OXNAD1: variants seen among roughly 807,000 people sequenced by gnomAD.
OXNAD1 encodes the protein oxidoreductase NAD-binding domain-containing protein 1.
Under a neutral mutation model 32.9 loss-of-function variants are expected in OXNAD1, and 34 were observed. That is an observed-to-expected ratio of 1.03 (90% CI 0.79 to 1.38). The LOEUF (loss-of-function observed/expected upper bound fraction) is 1.38. Among genes scored for constraint, OXNAD1 ranks in the 40% most tolerant of loss-of-function variants. The probability of loss-of-function intolerance (pLI) is 0.00; values close to 1 mark genes in which losing one functional copy is unlikely to be tolerated. For synonymous variants in OXNAD1, 134 were observed against 135.2 expected (o/e 0.99, Z 0.06); for missense variants, 407 against 379.4 (o/e 1.07, Z -0.60).
chr3:16,325,854 C>T (rs2069635237), intron 9 of OXNAD1, among the ~76,000 whole-genome samples: 1 of 152,230 alleles, frequency 6.6e-6, no homozygotes, highest in South Asian at 2.1e-4. Context: ...CCATGCTGTC[C>T]ATCACTCTGC....
chr3:16,322,528 A>T lies in OXNAD1; in HGVS notation c.*31-14584A>T, dbSNP rs947852680. Among the ~76,000 whole-genome samples, 1 of 152,202 alleles carries T rather than the reference A, an allele frequency of 6.6e-6. No individual in the cohort carries two copies. Among genetic ancestry groups the T allele is most frequent in the Non-Finnish European group, 1.5e-5 (1 of 68,038 alleles). On this transcript the variant is annotated intron_variant, in intron 9 of 9. Coordinates refer to the OXNAD1 transcript ENST00000435829. The surrounding 1 kb of genome is among the most constrained non-coding windows in gnomAD (Gnocchi z 6.2). Reference sequence around the variant, plus strand: ...CAGCCATCAAAGGTGCAGTGAGCTGAATCCAGGTGATGCCTGACTCAGGCT... The same window carrying T: ...CAGCCATCAAAGGTGCAGTGAGCTGTATCCAGGTGATGCCTGACTCAGGCT...
chr3:16,276,181 G>C, intron 4 of OXNAD1: 1 of 206,918 alleles, frequency 4.8e-6, no homozygotes. Flanking sequence ...GGTTTTAGAA[G>C]CCAGTGGCTT....
chr3:16,323,260 T>G (rs1416258160), intron 9 of OXNAD1: 1 of 728,032 alleles, frequency 1.4e-6, no homozygotes, highest in Non-Finnish European at 2.3e-6. Context: ...AGGTGTTCCT[T>G]GGGCTCTGCG....
chr3:16,322,786 C>T lies in OXNAD1; in HGVS notation c.*31-14326C>T, dbSNP rs1400805540. 2.6e-5 allele frequency among the ~76,000 whole-genome samples: 4 copies of T among 152,036 alleles called. No homozygotes were observed. The highest frequency in any genetic ancestry group is 4.4e-5 in the Non-Finnish European group (3 of 67,994). Reference sequence around the variant, plus strand: ...ACTGTTTCTAGGGTAGTTCAGAGTCCGGAGAGGGGGAAAAGGGCCCTGGGG... The same window carrying T: ...ACTGTTTCTAGGGTAGTTCAGAGTCTGGAGAGGGGGAAAAGGGCCCTGGGG... On this transcript the variant is annotated intron_variant, in intron 9 of 9. Transcript: ENST00000435829. The surrounding 1 kb of genome is among the most constrained non-coding windows in gnomAD (Gnocchi z 6.2).
Position 16,320,501 on chromosome 3 carries a change from A to C in OXNAD1, c.*31-16611A>C, listed in dbSNP as rs1221283425. 6.6e-6 allele frequency among the ~76,000 whole-genome samples: 1 copy of C among 152,242 alleles called. No homozygotes were observed. The highest frequency in any genetic ancestry group is 1.9e-4 in the East Asian group (1 of 5,206). ...AAAATCTGGGTACACAACACAGGAA[A>C]AAGGTCTTTGCTCTTGTGGAGACTA... On this transcript the variant is annotated intron_variant, in intron 9 of 9. Coordinates refer to the OXNAD1 transcript ENST00000435829. This position sits in a 1 kb window ranked among gnomAD's most constrained non-coding sequence, Gnocchi z 4.5.
At chr3:16,269,437 A>G (rs1033342604) in intron 2 of OXNAD1, among the ~76,000 whole-genome samples, 162 bp downstream of exon 2, 2 of 152,262 alleles carry the variant, frequency 1.3e-5, no homozygotes, top group Non-Finnish European at 2.9e-5. Context: ...CTTATCCGCA[A>G]TGATGCTGCA....
intron 4 of OXNAD1, among the ~76,000 whole-genome samples, chr3:16,282,315 TA>T (rs1379558103): frequency 2.6e-5 from 4 of 151,902 alleles, no homozygotes; most frequent in African/African-American, 9.7e-5. Flanking sequence ...CCCATACTTT[TA>T]AACATGAATC....
chr3:16,318,564 C>A (rs569204061), intron 9 of OXNAD1, among the ~76,000 whole-genome samples: 2 of 152,138 alleles, frequency 1.3e-5, no homozygotes, highest in African/African-American at 4.8e-5. Context: ...TCTGTTTCCT[C>A]AGATAAAACA....
intron 5 of OXNAD1, among the ~76,000 whole-genome samples, chr3:16,291,098 C>G (rs2066400764): frequency 6.6e-6 from 1 of 152,050 alleles, no homozygotes; most frequent in African/African-American, 2.4e-5. Context: ...AGCTTGAAAC[C>G]CAGGAGTTCT....
rs2066320205 is a variant in OXNAD1, at chr3:16,289,960, A to G, written c.290+3512A>G. Among the ~76,000 whole-genome samples the G allele has an allele frequency of 6.6e-6, 1 of 152,228 alleles. No homozygotes were observed. Among genetic ancestry groups the G allele is most frequent in the Non-Finnish European group, 1.5e-5 (1 of 68,034 alleles). The stretch of plus-strand genomic sequence containing the variant: ...TCTTTGTACCTCCAGCAAGTACCAC[A>G]GTGCCTGTATATGGTAGGCAGGTGC... On this transcript the variant is annotated intron_variant, in intron 5 of 8. Coordinates refer to ENST00000285083, the MANE Select transcript of OXNAD1 (RefSeq NM_138381.5). This position sits in a 1 kb window ranked among gnomAD's most constrained non-coding sequence, Gnocchi z 4.9.
chr3:16,317,791 A>G lies in OXNAD1; in HGVS notation c.*30+14199A>G, dbSNP rs2068583715. ...CTAGGCCGATAGCCCTTTGCTGACC[A>G]CCACCTCACAGAAGGGTCACACCAG... is the stretch of plus-strand genomic sequence containing the variant. On this transcript the variant is annotated intron_variant, in intron 9 of 9. Transcript: ENST00000435829. This position sits in a 1 kb window ranked among gnomAD's most constrained non-coding sequence, Gnocchi z 4.3. Among the ~76,000 whole-genome samples, 1 of 151,720 alleles carries G rather than the reference A, an allele frequency of 6.6e-6. No individual in the cohort carries two copies. The highest frequency in any genetic ancestry group is 6.6e-5 in the Admixed American group (1 of 15,242).
chr3:16,349,968 A>G (rs1315213480), exon 10 of OXNAD1: 2 of 152,228 alleles, frequency 1.3e-5, no homozygotes, highest in African/African-American at 4.8e-5. Context: ...AAGGCCTTCA[A>G]CTGATTGAAG....
exon 10 of OXNAD1, chr3:16,349,888 G>T (rs2071975847): frequency 6.6e-6 from 1 of 152,260 alleles, no homozygotes; most frequent in South Asian, 2.1e-4. Context: ...ATTCCAGCAG[G>T]AGTCGATGTT....
Position 16,317,542 on chromosome 3 carries a change from C to T in OXNAD1, c.*30+13950C>T, listed in dbSNP as rs1396999630. On this transcript the variant is annotated intron_variant, in intron 9 of 9. Coordinates refer to the OXNAD1 transcript ENST00000435829. This position sits in a 1 kb window ranked among gnomAD's most constrained non-coding sequence, Gnocchi z 4.3. Reference sequence around the variant, plus strand: ...CACATAGGAAAGGGCTCCTAAAGTCCTATCATTTGGAGGGCCAGGATGGAG... The same window carrying T: ...CACATAGGAAAGGGCTCCTAAAGTCTTATCATTTGGAGGGCCAGGATGGAG... Among the ~76,000 whole-genome samples the T allele has an allele frequency of 6.6e-6, 1 of 152,170 alleles. No homozygotes were observed. Among genetic ancestry groups the T allele is most frequent in the African/African-American group, 2.4e-5 (1 of 41,438 alleles).
Position 16,342,621 on chromosome 3 carries a change from TA to T in OXNAD1, c.*31-6548del, listed in dbSNP as rs1445767449. ...TGTCCATGGATCACTTTTATAAAAA[TA>T]AAAAAAGTTATAAGAATGAAAGCAG... On this transcript the variant is annotated intron_variant, in intron 9 of 9. Transcript: ENST00000606098. The surrounding 1 kb of genome is among the most constrained non-coding windows in gnomAD (Gnocchi z 4.0). 2.6e-5 allele frequency among the ~76,000 whole-genome samples: 4 copies of T among 151,938 alleles called. No homozygotes were observed. Among genetic ancestry groups the T allele is most frequent in the African/African-American group, 7.3e-5 (3 of 41,222 alleles).
rs543730258 is a variant in OXNAD1 at position 16,333,546 on chromosome 3, A to G, written c.*31-3566A>G. 6.4e-4 allele frequency among the ~76,000 whole-genome samples: 98 copies of G among 152,318 alleles called. 4 individuals are homozygous for G. In the South Asian group the frequency reaches 0.014, roughly 22 times the overall value. ...GAAAAGAAATAGATGCCTGTGTCCA[A>G]TCCCCCTCATTTAATAAAATGTTAT... is the stretch of plus-strand genomic sequence containing the variant. On this transcript the variant is annotated intron_variant, in intron 9 of 9. Transcript: ENST00000435829.
At position 16,287,553 on chromosome 3, in the gene OXNAD1, A is replaced by G. The variant is rs2066155379; in HGVS notation, c.290+1105A>G. ...AATGGTTTAGCAGTCATTATATTGAAAAGTGGAAACTTTAATTGTAATGAT... is the reference window on the plus strand; with the variant it reads ...AATGGTTTAGCAGTCATTATATTGAGAAGTGGAAACTTTAATTGTAATGAT... On this transcript the variant is annotated intron_variant, in intron 5 of 8. Coordinates refer to ENST00000285083, the MANE Select transcript of OXNAD1 (RefSeq NM_138381.5). The surrounding 1 kb of genome is among the most constrained non-coding windows in gnomAD (Gnocchi z 4.8). Among the ~76,000 whole-genome samples, 1 of 152,216 alleles carries G rather than the reference A, an allele frequency of 6.6e-6. No homozygotes were observed. The highest frequency in any genetic ancestry group is 6.5e-5 in the Admixed American group (1 of 15,288).
Position 16,286,327 on chromosome 3 carries a change from AT to A in OXNAD1, c.184-14del, listed in dbSNP as rs1559744995. On this transcript the variant is annotated splice_polypyrimidine_tract_variant and intron_variant, in intron 4 of 8. Transcript: ENST00000285083. The stretch of plus-strand genomic sequence containing the variant: ...TACGCACTAACCTCAGCCACAGTTC[AT>A]CTTTTGGTTTTAGATTGTGTCAGCA... 1 of 1,602,348 alleles carries A rather than the reference AT, an allele frequency of 6.2e-7. No homozygotes were observed. Among genetic ancestry groups the A allele is most frequent in the Non-Finnish European group, 8.6e-7 (1 of 1,169,400 alleles).
At chr3:16,328,995 A>C (rs1340361940) in intron 9 of OXNAD1, among the ~76,000 whole-genome samples, 1 of 152,256 alleles carries the variant, frequency 6.6e-6, no homozygotes, top group Non-Finnish European at 1.5e-5. Context: ...TGTATCCCCC[A>C]AAAAGTTTCC....
Sources: gnomAD v4.1 joint callset for allele counts (sites outside exome capture counted in the v4.1 genomes callset) on GRCh38, gnomAD v4.1.1 for gene constraint, Gnocchi (gnomAD v3.1) non-coding constraint, MANE v1.5 for transcripts, NCBI Gene and HGNC (gene_info 2026-07-23, HGNC 2026-07-21) for gene names.